RCOR1: variants seen among roughly 807,000 people sequenced by gnomAD.
The protein encoded by RCOR1 is REST corepressor.
RCOR1 carries 12 observed loss-of-function variants against 64.0 expected under a neutral mutation model. The observed-to-expected ratio is 0.19, with a 90% CI of 0.12 to 0.30. The LOEUF (loss-of-function observed/expected upper bound fraction) is 0.30. Ranked by LOEUF, RCOR1 falls within the 10% of genes least tolerant of loss-of-function variation. The pLI is 1.00. For missense variants in RCOR1, 502 were observed against 621.2 expected, an observed-to-expected ratio of 0.81 and a Z score of 2.04; for synonymous variants, 279 against 227.2, an observed-to-expected ratio of 1.23 and a Z score of -2.05.
At chr14:102,651,188 T>C (rs539668524) in intron 2 of RCOR1, 23 of 367,622 alleles carry the variant, frequency 6.3e-5, no homozygotes, top group Non-Finnish European at 8.3e-5. Flanking sequence ...CACACAAATA[T>C]AGAGGTGTGA....
intron 2 of RCOR1, among the ~76,000 whole-genome samples, chr14:102,611,682 A>G (rs1673954782): frequency 6.6e-6 from 1 of 152,154 alleles, no homozygotes; most frequent in Non-Finnish European, 1.5e-5. Context: ...GTGTAGGGCT[A>G]AGTATTTCCC....
chr14:102,615,383 C>G (rs568440385), intron 2 of RCOR1, among the ~76,000 whole-genome samples: 2 of 151,810 alleles, frequency 1.3e-5, no homozygotes, highest in African/African-American at 4.8e-5. Flanking sequence ...CTCAAGCAAT[C>G]CACCCATCGT....
intron 2 of RCOR1, among the ~76,000 whole-genome samples, chr14:102,637,135 T>A (rs536438619): frequency 5.3e-5 from 8 of 151,072 alleles, no homozygotes; most frequent in East Asian, 1.9e-4. Context: ...TTTTTTATTT[T>A]TTTTTTTTTG....
chr14:102,690,395 C>T (rs1181587230), intron 3 of RCOR1, among the ~76,000 whole-genome samples: 1 of 152,072 alleles, frequency 6.6e-6, no homozygotes, highest in Non-Finnish European at 1.5e-5. Context: ...TCAAAAGAAC[C>T]TGACACACCC....
chr14:102,600,759 A>G (rs1893376936), intron 2 of RCOR1, among the ~76,000 whole-genome samples: 2 of 151,120 alleles, frequency 1.3e-5, no homozygotes, highest in African/African-American at 4.8e-5. Flanking sequence ...TTTAGTAGAG[A>G]TGGGGTTTCA....
chr14:102,692,358 C>T (rs1895551255), intron 3 of RCOR1, among the ~76,000 whole-genome samples: 1 of 151,298 alleles, frequency 6.6e-6, no homozygotes, highest in South Asian at 2.1e-4. Flanking sequence ...GTATACCTAC[C>T]CTTAGAAAAC....
In RCOR1 at chr14:102,728,163, G is replaced by C. The variant is rs1165752314; in HGVS notation, c.*1657G>C. On this transcript the variant is annotated 3_prime_UTR_variant, in exon 12 of 12. Coordinates refer to ENST00000262241, the MANE Select transcript of RCOR1 (RefSeq NM_015156.4). Reference sequence around the variant, plus strand: ...GTCAGCTAGAAACCTAGGTTTTTTGGAATTGTAAATTTTTTTTTAGTATAG... The same window carrying C: ...GTCAGCTAGAAACCTAGGTTTTTTGCAATTGTAAATTTTTTTTTAGTATAG... 6.6e-6 allele frequency: 1 copy of C among 152,306 alleles called. No homozygotes were observed. The highest frequency in any genetic ancestry group is 1.5e-5 in the Non-Finnish European group (1 of 68,012). The allele number at this position is 152,306 out of a possible 1,614,324, so 9.4% of individuals were successfully genotyped here.
chr14:102,649,801 C>T, intron 2 of RCOR1: 1 of 984,282 alleles, frequency 1.0e-6, no homozygotes, highest in Non-Finnish European at 1.2e-6. Flanking sequence ...TGTAAAAAAT[C>T]TGGTTGACGA....
At chr14:102,666,279 T>C (rs1894914984) in intron 2 of RCOR1, among the ~76,000 whole-genome samples, 3 of 152,188 alleles carry the variant, frequency 2.0e-5, no homozygotes, top group Admixed American at 2.0e-4. Flanking sequence ...GGGTCTTGCA[T>C]GCCATGGGTT....
chr14:102,710,196 G>A (rs140745953), intron 6 of RCOR1, among the ~76,000 whole-genome samples: 5 of 152,340 alleles, frequency 3.3e-5, no homozygotes, highest in East Asian at 1.9e-4. Context: ...GCATGGTCCC[G>A]TGGGATGGAT....
intron 2 of RCOR1, among the ~76,000 whole-genome samples, chr14:102,601,571 G>A (rs1000150981): frequency 3.3e-5 from 5 of 152,168 alleles, no homozygotes; most frequent in African/African-American, 1.2e-4. Flanking sequence ...AAAGAAGAGA[G>A]GGAAGGAATG....
intron 2 of RCOR1, chr14:102,658,399 A>G: frequency 7.3e-6 from 3 of 409,592 alleles, no homozygotes; most frequent in Non-Finnish European, 9.9e-6. Flanking sequence ...AGGCATGAGA[A>G]GTGCTTGAAC....
intron 2 of RCOR1, among the ~76,000 whole-genome samples, chr14:102,635,750 G>A (rs970061186): frequency 9.2e-5 from 14 of 151,696 alleles, no homozygotes; most frequent in African/African-American, 3.1e-4. Context: ...CTTTTTGGTC[G>A]AGTCCTGGAA....
At chr14:102,679,753 C>T (rs1176282490) in intron 2 of RCOR1, among the ~76,000 whole-genome samples, 1 of 152,228 alleles carries the variant, frequency 6.6e-6, no homozygotes, top group Non-Finnish European at 1.5e-5. Context: ...GCTGGGATTA[C>T]AGGCGTGAGC....
intron 2 of RCOR1, among the ~76,000 whole-genome samples, chr14:102,661,624 T>G (rs1485352329): frequency 1.3e-5 from 2 of 152,138 alleles, no homozygotes; most frequent in African/African-American, 4.8e-5. Context: ...AGGTCTCTCA[T>G]TAGAGGTGAG....
rs528550455 is a variant in RCOR1, at chr14:102,655,534, G to A, written c.362-26361G>A. ...GCTTTAGGTATCTATTAATAGTTCAGAAAGTTGCGAAGATTACAAGCTCAT... is the reference window on the plus strand; with the variant it reads ...GCTTTAGGTATCTATTAATAGTTCAAAAAGTTGCGAAGATTACAAGCTCAT... On this transcript the variant is annotated intron_variant, in intron 2 of 11. Transcript: ENST00000262241. 5.8e-5 allele frequency: 56 copies of A among 958,136 alleles called. 2 individuals carry two copies. In the South Asian group the frequency reaches 1.1e-3, roughly 18 times the overall value. 59.4% of individuals were successfully genotyped at this position (958,136 alleles called of 1,614,324 possible).
In RCOR1 at chr14:102,727,549, G is replaced by GCGCGTTGTTC. The variant is rs1215343311; in HGVS notation, c.*1050_*1059dup. 6.6e-6 allele frequency: 1 copy of GCGCGTTGTTC among 152,294 alleles called. No homozygotes were observed. The highest frequency in any genetic ancestry group is 1.5e-5 in the Non-Finnish European group (1 of 68,012). 9.4% of individuals were successfully genotyped at this position (152,294 alleles called of 1,614,324 possible). A position where few individuals can be genotyped will look rare whatever the true frequency, so the allele number is the denominator to read the frequency against. ...TAGCTGGCGCTGGTTTATGAAAGCT[G>GCGCGTTGTTC]CGCGTTGTTCCGCGTTCTCTCGGTG... On this transcript the variant is annotated 3_prime_UTR_variant, in exon 12 of 12. Coordinates refer to ENST00000262241, the MANE Select transcript of RCOR1 (RefSeq NM_015156.4).
chr14:102,623,844 C>G (rs981992238), intron 2 of RCOR1, among the ~76,000 whole-genome samples: 1 of 151,054 alleles, frequency 6.6e-6, no homozygotes, highest in East Asian at 2.0e-4. Flanking sequence ...ATCATGAAGT[C>G]AGGAGATCGA....
At chr14:102,655,236 C>T (rs1894699121) in intron 2 of RCOR1, 1 of 981,996 alleles carries the variant, frequency 1.0e-6, no homozygotes, top group Non-Finnish European at 1.2e-6. Flanking sequence ...ATTTCTTAGG[C>T]ATTCCTGGCC....
Sources: allele counts gnomAD v4.1 joint callset (sites outside exome capture counted in the v4.1 genomes callset), GRCh38; gene constraint gnomAD v4.1.1; transcripts MANE v1.5; gene names NCBI Gene and HGNC (gene_info 2026-07-23, HGNC 2026-07-21).